Variants in B3GALT1 observed in about 807,000 individuals in gnomAD.
The protein encoded by B3GALT1 is beta-1,3-galactosyltransferase 1.
Under a neutral mutation model 23.2 loss-of-function variants are expected in B3GALT1, and 10 were observed. The observed-to-expected ratio is 0.43, with a 90% confidence interval of 0.27 to 0.73. The LOEUF is 0.73. Ranked by LOEUF, B3GALT1 falls within the 30% of genes least tolerant of loss-of-function variation. The pLI is 0.21. For synonymous variants in B3GALT1, 156 were observed against 141.5 expected (o/e 1.10, Z -0.73); for missense variants, 299 against 405.4 (o/e 0.74, Z 2.25).
At chr2:167,689,383 C>A (rs1161090731) in intron 3 of B3GALT1, among the ~76,000 whole-genome samples, 1 of 151,924 alleles carries the variant, frequency 6.6e-6, no homozygotes, top group South Asian at 2.1e-4. Flanking sequence ...AACTTGTCAC[C>A]AACAGACATA....
chr2:167,583,666 T>G (rs1198094329), intron 2 of B3GALT1, among the ~76,000 whole-genome samples: 1 of 146,530 alleles, frequency 6.8e-6, no homozygotes, highest in Non-Finnish European at 1.5e-5. Context: ...AAAATTGCAT[T>G]TGATATTGAT....
intron 3 of B3GALT1, among the ~76,000 whole-genome samples, chr2:167,669,058 C>T (rs1427340772): frequency 6.6e-6 from 1 of 152,148 alleles, no homozygotes; most frequent in Non-Finnish European, 1.5e-5. Context: ...CTGCCTTTCT[C>T]TTTATCTTTC....
intron 3 of B3GALT1, among the ~76,000 whole-genome samples, chr2:167,749,018 TA>T (rs1327822653): frequency 1.3e-5 from 2 of 152,070 alleles, no homozygotes; most frequent in Non-Finnish European, 1.5e-5. Context: ...CACCTATAAA[TA>T]AAAAACAGAC....
intron 3 of B3GALT1, among the ~76,000 whole-genome samples, chr2:167,792,511 G>A (rs1364793324): frequency 1.3e-5 from 2 of 152,188 alleles, no homozygotes; most frequent in Admixed American, 6.5e-5. Flanking sequence ...AGCATACAGG[G>A]AACTTCTTTC....
chr2:167,645,119 A>C (rs1147152), intron 2 of B3GALT1, among the ~76,000 whole-genome samples: 149,816 of 152,202 alleles, frequency 0.98, 73,792 homozygotes, highest in Middle Eastern at 1. Flanking sequence ...AGCAAAACTC[A>C]TAGTGAGGCC....
At chr2:167,581,850 T>C (rs986697) in intron 2 of B3GALT1, among the ~76,000 whole-genome samples, 40,523 of 152,092 alleles carry the variant, frequency 0.27, 8,560 homozygotes, top group African/African-American at 0.59. Flanking sequence ...GGGAGTCACA[T>C]GGGTCCTTAA....
intron 2 of B3GALT1, among the ~76,000 whole-genome samples, chr2:167,598,630 A>G (rs965847919): frequency 6.6e-6 from 1 of 152,190 alleles, no homozygotes; most frequent in Non-Finnish European, 1.5e-5. Context: ...AACCGGAGTA[A>G]ACTGGTTTTC....
intron 1 of B3GALT1, among the ~76,000 whole-genome samples, chr2:167,474,003 A>G (rs1343260518): frequency 6.6e-6 from 1 of 152,182 alleles, no homozygotes; most frequent in Non-Finnish European, 1.5e-5. Flanking sequence ...CCAACCAGAG[A>G]AATCAGAATG....
At chr2:167,785,444 A>T (rs1191834356) in intron 3 of B3GALT1, among the ~76,000 whole-genome samples, 1 of 152,168 alleles carries the variant, frequency 6.6e-6, no homozygotes, top group African/African-American at 2.4e-5. Flanking sequence ...ATAGTGCCAC[A>T]GCTACTCCTT....
chr2:167,680,047 T>C (rs1342869650), intron 3 of B3GALT1, among the ~76,000 whole-genome samples: 3 of 152,212 alleles, frequency 2.0e-5, no homozygotes, highest in East Asian at 1.9e-4. Flanking sequence ...TACTTTTTTT[T>C]CCACTACTCT....
At chr2:167,752,977 A>C (rs1687762459) in intron 3 of B3GALT1, among the ~76,000 whole-genome samples, 1 of 152,174 alleles carries the variant, frequency 6.6e-6, no homozygotes, top group Non-Finnish European at 1.5e-5. Flanking sequence ...GAATAGTGGA[A>C]TGTGGAGAGG....
At chr2:167,390,819 A>T (rs1375786140) in intron 1 of B3GALT1, among the ~76,000 whole-genome samples, 1 of 152,194 alleles carries the variant, frequency 6.6e-6, no homozygotes, top group Non-Finnish European at 1.5e-5. Context: ...TGAATGAGTC[A>T]ATCAAATTAC....
At chr2:167,491,860 A>C (rs2105342668) in intron 2 of B3GALT1, among the ~76,000 whole-genome samples, 1 of 152,230 alleles carries the variant, frequency 6.6e-6, no homozygotes, top group Non-Finnish European at 1.5e-5. Flanking sequence ...ATTAATTGGA[A>C]AGTACACAGA....
In B3GALT1 at chr2:167,458,443, C is replaced by T. The variant is rs114532565; in HGVS notation, c.-510-31734C>T. ...TGGGTGTACAAATATCTCTTTGAGG[C>T]CATGTTTTCAATTCTTTGGGGTACA... On this transcript the variant is annotated intron_variant, in intron 1 of 4. Coordinates refer to ENST00000392690, the MANE Select transcript of B3GALT1 (RefSeq NM_020981.4). Among the ~76,000 whole-genome samples the T allele has an allele frequency of 3.7e-3, 561 of 152,252 alleles. 6 individuals are homozygous for T. The highest frequency in any genetic ancestry group is 0.02 in the Middle Eastern group (6 of 294).
chr2:167,715,933 C>G, intron 3 of B3GALT1: 1 of 1,613,140 alleles, frequency 6.2e-7, no homozygotes, highest in Non-Finnish European at 8.5e-7. Flanking sequence ...GCTGCGCATA[C>G]CACCAGTTCG....
Position 167,437,459 on chromosome 2 carries a change from G to A in B3GALT1, c.-510-52718G>A, listed in dbSNP as rs144192200. Among the ~76,000 whole-genome samples the A allele has an allele frequency of 1.2e-4, 18 of 152,274 alleles. No individual in the cohort carries two copies. The East Asian group carries it at 2.7e-3, about 23-fold the overall frequency. ...ATCTGATAACTTCTGCAATTTGGAGGGTGGGGTAGAAATCACTGTCAAAAG... is the reference window on the plus strand; with the variant it reads ...ATCTGATAACTTCTGCAATTTGGAGAGTGGGGTAGAAATCACTGTCAAAAG... On this transcript the variant is annotated intron_variant, in intron 1 of 4. Transcript: ENST00000392690.
chr2:167,576,373 TTTAA>T (rs1474357499), intron 2 of B3GALT1, among the ~76,000 whole-genome samples: 3 of 151,802 alleles, frequency 2.0e-5, no homozygotes, highest in Non-Finnish European at 3.0e-5. Context: ...ACTTTGAAAC[TTTAA>T]TTAAACTGCT....
At chr2:167,353,428 TG>T (rs976735518) in intron 1 of B3GALT1, among the ~76,000 whole-genome samples, 4 of 152,172 alleles carry the variant, frequency 2.6e-5, no homozygotes, top group Non-Finnish European at 4.4e-5. Flanking sequence ...TGAACCTTAG[TG>T]GTATTTTTTT....
At chr2:167,840,596 A>G (rs1405262822) in intron 4 of B3GALT1, among the ~76,000 whole-genome samples, 2 of 149,010 alleles carry the variant, frequency 1.3e-5, no homozygotes, top group Non-Finnish European at 3.0e-5. Flanking sequence ...AACTAGTTCA[A>G]CCATTGTGGA....
Sources: allele counts gnomAD v4.1 joint callset (sites outside exome capture counted in the v4.1 genomes callset), GRCh38; gene constraint gnomAD v4.1.1; transcripts MANE v1.5; gene names NCBI Gene and HGNC (gene_info 2026-07-23, HGNC 2026-07-21).